TGIF1: variants seen among roughly 807,000 people sequenced by gnomAD.
TGIF1 encodes the protein TGFB induced factor homeobox 1, also known as homeobox protein TGIF1.
In TGIF1, 4 loss-of-function variants were observed where a neutral mutation model predicts 19.3. The observed-to-expected ratio is 0.21, with a 90% CI of 0.10 to 0.47. TGIF1 has a LOEUF of 0.47. Ranked by LOEUF, TGIF1 falls within the 20% of genes least tolerant of loss-of-function variation. TGIF1 has a pLI of 0.98. For synonymous variants in TGIF1, 122 were observed against 129.3 expected (o/e 0.94, Z 0.38); for missense variants, 275 against 341.4 (o/e 0.81, Z 1.53).
intron 2 of TGIF1, among the ~76,000 whole-genome samples, chr18:3,432,791 C>T (rs1179467012): frequency 1.3e-5 from 2 of 151,448 alleles, no homozygotes; most frequent in Non-Finnish European, 2.9e-5. Flanking sequence ...TGGAGTTTCA[C>T]ACTTGTTTCC....
upstream of TGIF1, chr18:3,448,095 C>T: frequency 1.1e-6 from 1 of 943,924 alleles, no homozygotes; most frequent in Non-Finnish European, 1.2e-6. Flanking sequence ...TAGGGTTAAA[C>T]CGACCGAAGG....
At position 3,451,562 on chromosome 18, in the gene TGIF1, T is replaced by C. The variant is rs2082932320; in HGVS notation, c.16+1057T>C. 5 of 1,017,892 alleles carry C rather than the reference T, an allele frequency of 4.9e-6. No individual in the cohort carries two copies. Among genetic ancestry groups the C allele is most frequent in the Non-Finnish European group, 5.9e-6 (5 of 852,058 alleles). The allele number at this position is 1,017,892 out of a possible 1,614,324, so 63.1% of individuals were successfully genotyped here. Reference sequence around the variant, plus strand: ...ACGGGAGGGGCGGCGCTACTGCGCATGCCCGGGAGCCGCCTGGAGTTTGGA... The same window carrying C: ...ACGGGAGGGGCGGCGCTACTGCGCACGCCCGGGAGCCGCCTGGAGTTTGGA... On this transcript the variant is annotated intron_variant, in intron 1 of 2. Coordinates refer to ENST00000343820, the MANE Select transcript of TGIF1 (RefSeq NM_003244.4). The surrounding 1 kb of genome is among the most constrained non-coding windows in gnomAD (Gnocchi z 5.4).
chr18:3,448,127 G>C, upstream of TGIF1: 1 of 984,732 alleles, frequency 1.0e-6, no homozygotes, highest in Non-Finnish European at 1.2e-6. Flanking sequence ...GAGTGGCTTC[G>C]AAAGCGGCCG....
chr18:3,426,597 T>C (rs1430006450), intron 2 of TGIF1, among the ~76,000 whole-genome samples: 1 of 152,180 alleles, frequency 6.6e-6, no homozygotes, highest in Non-Finnish European at 1.5e-5. Context: ...TTGTATTTTG[T>C]TTGCTAATAC....
At chr18:3,437,125 A>G (rs968827688) in intron 2 of TGIF1, among the ~76,000 whole-genome samples, 2 of 152,010 alleles carry the variant, frequency 1.3e-5, no homozygotes, top group African/African-American at 2.4e-5. Flanking sequence ...ATAATAATAA[A>G]ATAAAATAAA....
chr18:3,446,621 C>T (rs56406368), upstream of TGIF1, among the ~76,000 whole-genome samples: 8,301 of 152,212 alleles, frequency 0.055, 265 homozygotes, highest in Middle Eastern at 0.078. Context: ...GTAGTAGCAC[C>T]AGTTACACTA....
upstream of TGIF1, among the ~76,000 whole-genome samples, chr18:3,446,686 A>G (rs377721565): frequency 2.8e-3 from 421 of 152,356 alleles, no homozygotes; most frequent in Non-Finnish European, 3.9e-3. Context: ...AAATCACCTC[A>G]AGATGGCTCT....
intron 2 of TGIF1, among the ~76,000 whole-genome samples, chr18:3,436,052 A>G (rs1339531815): frequency 6.6e-6 from 1 of 152,120 alleles, no homozygotes; most frequent in African/African-American, 2.4e-5. Flanking sequence ...GAAATTCCCA[A>G]GCTACTCATT....
intron 1 of TGIF1, among the ~76,000 whole-genome samples, chr18:3,452,672 T>G (rs2083013835): frequency 6.6e-6 from 1 of 152,000 alleles, no homozygotes; most frequent in Non-Finnish European, 1.5e-5. Context: ...CCCCTCCCTC[T>G]CCCCGTGCTC....
chr18:3,438,217 G>GC (rs2082638931), intron 2 of TGIF1, among the ~76,000 whole-genome samples: 1 of 152,148 alleles, frequency 6.6e-6, no homozygotes, highest in South Asian at 2.1e-4. Flanking sequence ...CCTAAGTCAA[G>GC]CAATCTAGAC....
At chr18:3,449,061 AGAG>A (rs1398553791), upstream of TGIF1, among the ~76,000 whole-genome samples, 2 of 152,154 alleles carry the variant, frequency 1.3e-5, no homozygotes, top group Non-Finnish European at 2.9e-5. Flanking sequence ...AACTAGAACC[AGAG>A]GAGGGGGCAT....
At position 3,457,954 on chromosome 18, in the gene TGIF1, A is replaced by G. The variant is rs1374452107; in HGVS notation, c.*14A>G. 1.3e-6 allele frequency: 2 copies of G among 1,598,416 alleles called. No homozygotes were observed. ...CTTACAGCTTAACCCATTTTCAAGC[A>G]AAACAGTTCTCAGAAATGTCATGAT... is the stretch of plus-strand genomic sequence containing the variant. On this transcript the variant is annotated 3_prime_UTR_variant, in exon 3 of 3. Coordinates refer to ENST00000343820, the MANE Select transcript of TGIF1 (RefSeq NM_003244.4). This position sits in a 1 kb window ranked among gnomAD's most constrained non-coding sequence, Gnocchi z 4.9.
chr18:3,425,765 G>C (rs2082459126), intron 2 of TGIF1, among the ~76,000 whole-genome samples: 1 of 152,134 alleles, frequency 6.6e-6, no homozygotes, highest in Admixed American at 6.6e-5. Flanking sequence ...TTTGGGTGAT[G>C]ACTGTCTCCT....
At chr18:3,430,809 G>T (rs2082537569) in intron 2 of TGIF1, among the ~76,000 whole-genome samples, 1 of 151,968 alleles carries the variant, frequency 6.6e-6, no homozygotes, top group Non-Finnish European at 1.5e-5. Flanking sequence ...ACTGCACCCG[G>T]CTAGTTTTAG....
At chr18:3,430,297 T>G (rs1031498644) in intron 2 of TGIF1, among the ~76,000 whole-genome samples, 1 of 152,180 alleles carries the variant, frequency 6.6e-6, no homozygotes, top group African/African-American at 2.4e-5. Flanking sequence ...CCAACTGTCT[T>G]CTATTAAACC....
Position 3,451,394 on chromosome 18 carries a change from G to A in TGIF1, c.16+889G>A, listed in dbSNP as rs963723378. On this transcript the variant is annotated intron_variant, in intron 1 of 2. Coordinates refer to ENST00000343820, the MANE Select transcript of TGIF1 (RefSeq NM_003244.4). This position sits in a 1 kb window ranked among gnomAD's most constrained non-coding sequence, Gnocchi z 5.4. ...ACACAAAACACCCCGAAAGGTCAGA[G>A]TGTGAAGTCCCTTTTGAAGTTAACA... 3.0e-6 allele frequency: 3 copies of A among 985,472 alleles called. No homozygotes were observed. The highest frequency in any genetic ancestry group is 1.7e-5 in the African/African-American group (1 of 57,368). 61.0% of individuals were successfully genotyped at this position (985,472 alleles called of 1,614,324 possible).
intron 2 of TGIF1, among the ~76,000 whole-genome samples, chr18:3,420,010 AAAAAAAGG>A (rs1177764124): frequency 6.6e-6 from 1 of 152,110 alleles, no homozygotes; most frequent in Admixed American, 6.5e-5. Context: ...CGTCTCAAAA[AAAAAAAGG>A]AAAAAGAAAA....
chr18:3,438,507 G>C (rs2082641711), intron 2 of TGIF1, among the ~76,000 whole-genome samples: 1 of 151,376 alleles, frequency 6.6e-6, no homozygotes, highest in Non-Finnish European at 1.5e-5. Context: ...CCATCTGGCT[G>C]TGCTGGCTAA....
intron 1 of TGIF1, chr18:3,415,209 G>C (rs1366792528): frequency 8.7e-6 from 2 of 229,166 alleles, no homozygotes; most frequent in Non-Finnish European, 1.9e-5. Flanking sequence ...TGGCTCAAGA[G>C]CCAGGCCCGT....
Sources: gnomAD v4.1 joint callset for allele counts (sites outside exome capture counted in the v4.1 genomes callset) on GRCh38, gnomAD v4.1.1 for gene constraint, Gnocchi (gnomAD v3.1) non-coding constraint, MANE v1.5 for transcripts, NCBI Gene and HGNC (gene_info 2026-07-23, HGNC 2026-07-21) for gene names.